The following PPFIBP2 variants were observed in gnomAD, a reference collection of about 807,000 sequenced individuals.
The protein encoded by PPFIBP2 is PPFIB scaffold protein 2.
PPFIBP2 carries 118 observed loss-of-function variants against 118.3 expected under a neutral mutation model. The observed-to-expected ratio is 1.00, with a 90% confidence interval of 0.86 to 1.16. The LOEUF (loss-of-function observed/expected upper bound fraction) is 1.16. PPFIBP2 is among the 50% of genes most tolerant of loss of function. PPFIBP2 has a pLI of 0.00. For missense variants in PPFIBP2, 1,195 were observed against 1,073.1 expected (o/e 1.11, Z -1.59); for synonymous variants, 414 against 397.4 (o/e 1.04, Z -0.50).
intron 1 of PPFIBP2, among the ~76,000 whole-genome samples, chr11:7,532,413 T>C (rs1028140284): frequency 3.9e-5 from 6 of 152,206 alleles, no homozygotes; most frequent in Non-Finnish European, 8.8e-5. Context: ...AAAATCCTCA[T>C]TGAACAAGGC....
At chr11:7,537,658 A>C (rs1851347980) in intron 1 of PPFIBP2, among the ~76,000 whole-genome samples, 1 of 152,148 alleles carries the variant, frequency 6.6e-6, no homozygotes, top group African/African-American at 2.4e-5. Flanking sequence ...CTAAGTGGCT[A>C]CGGTGGGCCC....
chr11:7,607,549 T>G (rs12099341), intron 5 of PPFIBP2, among the ~76,000 whole-genome samples: 26,196 of 152,054 alleles, frequency 0.17, 3,528 homozygotes, highest in African/African-American at 0.37. Flanking sequence ...TACTCAATAG[T>G]GGCTTTGTTT....
At chr11:7,640,463 A>G (rs1019624492) in intron 15 of PPFIBP2, among the ~76,000 whole-genome samples, 1 of 152,168 alleles carries the variant, frequency 6.6e-6, no homozygotes, top group African/African-American at 2.4e-5. Flanking sequence ...AAAATAAGCC[A>G]TCTTTCCCCA....
At position 7,550,180 on chromosome 11, in the gene PPFIBP2, T is replaced by C. The variant is rs545913748; in HGVS notation, c.64+641T>C. 7.9e-5 allele frequency among the ~76,000 whole-genome samples: 12 copies of C among 152,350 alleles called. No individual in the cohort carries two copies. The East Asian group carries it at 1.2e-3, about 15-fold the overall frequency. On this transcript the variant is annotated intron_variant, in intron 2 of 23. Coordinates refer to ENST00000299492, the MANE Select transcript of PPFIBP2 (RefSeq NM_003621.5). ...TCATGGGAGCAACCAGAAGCCTATATTGATTAGACCAAACGTTTTGTTGGA... is the reference window on the plus strand; with the variant it reads ...TCATGGGAGCAACCAGAAGCCTATACTGATTAGACCAAACGTTTTGTTGGA...
Position 7,629,532 on chromosome 11 carries a change from A to G in PPFIBP2, c.962A>G (p.Gln321Arg), listed in dbSNP as rs771152964. 3 of 1,614,038 alleles carry G rather than the reference A, an allele frequency of 1.9e-6. No individual in the cohort carries two copies. Among genetic ancestry groups the G allele is most frequent in the Non-Finnish European group, 1.7e-6 (2 of 1,179,910 alleles). The part of the protein sequence containing the change: ...RKVKEIVMVT[Q>R]GPSERTLSIN... ...GTAAAGGAGATTGTGATGGTCACTC[A>G]AGGTAAGAGCAAGGGCGATCCTACC... Residue 321 changes from glutamine (Q) to arginine (R), a missense_variant and splice_region_variant, in exon 10 of 24, where the codon CAA (glutamine) becomes CGA (arginine). By Grantham distance (43) the Gln-to-Arg change is conservative (BLOSUM62 1). Coordinates refer to ENST00000299492, the MANE Select transcript of PPFIBP2 (RefSeq NM_003621.5).
rs531946999 is a variant in PPFIBP2, at chr11:7,542,969, GACTC to G, written c.-36-6468_-36-6465del. On this transcript the variant is annotated intron_variant, in intron 1 of 23. Transcript: ENST00000299492. ...CAATTGAGGCTAAAAGAGGTTAAAA[GACTC>G]ACAGCCATTATGCAGCAGAGCCCAT... Among the ~76,000 whole-genome samples, 9 of 152,358 alleles carry G rather than the reference GACTC, an allele frequency of 5.9e-5. No homozygotes were observed. The South Asian group carries it at 1.7e-3, about 28-fold the overall frequency.
At chr11:7,537,589 G>A (rs935108317) in intron 1 of PPFIBP2, among the ~76,000 whole-genome samples, 7 of 152,160 alleles carry the variant, frequency 4.6e-5, no homozygotes, top group Non-Finnish European at 1.0e-4. Context: ...TTACTTCTTA[G>A]ACCCACTCTT....
chr11:7,620,859 T>G, intron 6 of PPFIBP2, 76 bp from the exon 7 acceptor site: 45 of 1,050,884 alleles, frequency 4.3e-5, no homozygotes, highest in Non-Finnish European at 6.4e-5. Flanking sequence ...CCCATATGCA[T>G]GAGCTTAACC....
At chr11:7,562,959 A>T (rs796236373) in intron 2 of PPFIBP2, among the ~76,000 whole-genome samples, 4 of 81,148 alleles carry the variant, frequency 4.9e-5, no homozygotes, top group African/African-American at 1.0e-4. Flanking sequence ...ATATATATAT[A>T]TATATATATA....
intron 3 of PPFIBP2, among the ~76,000 whole-genome samples, chr11:7,585,661 A>T (rs1378003761): frequency 6.6e-6 from 1 of 152,104 alleles, no homozygotes; most frequent in Non-Finnish European, 1.5e-5. Context: ...TCAAGCACTC[A>T]CCCTGTCTAG....
At chr11:7,562,962 T>C (rs1158923753) in intron 2 of PPFIBP2, among the ~76,000 whole-genome samples, 2 of 58,332 alleles carry the variant, frequency 3.4e-5, no homozygotes, top group Admixed American at 1.3e-4. Context: ...TATATATATA[T>C]ATATATATAT....
Position 7,617,919 on chromosome 11 carries a change from G to GA in PPFIBP2, c.619-3016_619-3015insA, listed in dbSNP as rs1003293196. Among the ~76,000 whole-genome samples, 234 of 152,140 alleles carry GA rather than the reference G, an allele frequency of 1.5e-3. 2 individuals carry two copies. The highest frequency in any genetic ancestry group is 5.3e-3 in the African/African-American group (221 of 41,494). ...GATTCTGGACTTGGCTCTCCACACG[G>GA]GGGTAACCTGGTCCTCTGTGACTTT... On this transcript the variant is annotated intron_variant, in intron 6 of 23. Transcript: ENST00000299492.
intron 1 of PPFIBP2, among the ~76,000 whole-genome samples, chr11:7,522,829 C>G (rs922958900): frequency 1.1e-4 from 16 of 152,152 alleles, no homozygotes; most frequent in Non-Finnish European, 1.5e-4. Context: ...CGCTCTTATA[C>G]TTATTATGCT....
chr11:7,545,283 A>C (rs1173293604), intron 1 of PPFIBP2, among the ~76,000 whole-genome samples: 1 of 152,182 alleles, frequency 6.6e-6, no homozygotes, highest in Non-Finnish European at 1.5e-5. Context: ...TACAAAAATT[A>C]GCTGGGCGTG....
At chr11:7,646,522 T>C (rs1853091102) in intron 17 of PPFIBP2, among the ~76,000 whole-genome samples, 1 of 152,200 alleles carries the variant, frequency 6.6e-6, no homozygotes. Flanking sequence ...GTTGTGGACA[T>C]ACAAAGAAGC....
At chr11:7,608,628 G>T (rs1016171694) in intron 5 of PPFIBP2, among the ~76,000 whole-genome samples, 2 of 152,014 alleles carry the variant, frequency 1.3e-5, no homozygotes, top group Non-Finnish European at 2.9e-5. Context: ...CAAAAAGAGC[G>T]AAACGCTGTC....
chr11:7,518,788 G>T (rs1484772045), intron 1 of PPFIBP2, among the ~76,000 whole-genome samples: 1 of 152,222 alleles, frequency 6.6e-6, no homozygotes, highest in Non-Finnish European at 1.5e-5. Context: ...AATACCTTCA[G>T]CTCTTGCTAC....
At chr11:7,626,435 C>G (rs1199486517) in intron 8 of PPFIBP2, among the ~76,000 whole-genome samples, 1 of 152,202 alleles carries the variant, frequency 6.6e-6, no homozygotes, top group Non-Finnish European at 1.5e-5. Flanking sequence ...CTATTATTCT[C>G]TAATTCATCA....
Position 7,641,557 on chromosome 11 carries a change from C to T in PPFIBP2, c.1454C>T (p.Pro485Leu). The T allele has an allele frequency of 6.2e-7, 1 of 1,613,862 alleles. No homozygotes were observed. The highest frequency in any genetic ancestry group is 8.5e-7 in the Non-Finnish European group (1 of 1,179,700). Residue 485 changes from proline to leucine, a missense_variant, in exon 16 of 24, where the codon CCT (proline) becomes CTT (leucine). Transcript: ENST00000299492. ...SSTSSGTESGPQSPLTPDGKR... is the reference protein window; with the variant it reads ...SSTSSGTESGLQSPLTPDGKR... ...ACATCATCGGGCACTGAATCAGGTC[C>T]TCAGTCTCCTCTGACACCAGATGGT...
Sources: gnomAD v4.1 joint callset for allele counts (sites outside exome capture counted in the v4.1 genomes callset) on GRCh38, gnomAD v4.1.1 for gene constraint, MANE v1.5 for transcripts, NCBI Gene and HGNC (gene_info 2026-07-23, HGNC 2026-07-21) for gene names.